The following SUSD5 variants were observed in gnomAD, a reference collection of about 807,000 sequenced individuals.
The protein encoded by SUSD5 is sushi domain containing 5.
SUSD5 carries 33 observed loss-of-function variants against 29.5 expected under a neutral mutation model. The observed-to-expected ratio is 1.12, with a 90% CI of 0.85 to 1.49. The LOEUF is 1.49. Ranked by LOEUF, SUSD5 falls within the 40% of genes most tolerant of loss-of-function variation. The pLI is 0.00. For missense variants in SUSD5, 776 were observed against 800.6 expected (o/e 0.97, Z 0.37); for synonymous variants, 308 against 325.3 (o/e 0.95, Z 0.57).
intron 3 of SUSD5, among the ~76,000 whole-genome samples, chr3:33,178,446 G>GTTTT (rs1559449526): frequency 7.2e-6 from 1 of 138,102 alleles, no homozygotes; most frequent in Non-Finnish European, 1.6e-5. Flanking sequence ...TTTTTTTTTT[G>GTTTT]TTGTTGTTTT....
intron 1 of SUSD5, among the ~76,000 whole-genome samples, chr3:33,216,855 T>C (rs969470098): frequency 6.6e-6 from 1 of 152,166 alleles, no homozygotes; most frequent in African/African-American, 2.4e-5. Context: ...AGCTTATAAC[T>C]CTTCCTGGTT....
chr3:33,201,719 AGCTAC>A (rs2032120683), intron 3 of SUSD5, among the ~76,000 whole-genome samples: 1 of 152,082 alleles, frequency 6.6e-6, no homozygotes, highest in African/African-American at 2.4e-5. Context: ...CCTACCCAAC[AGCTAC>A]TCAAGCCCCC....
rs532846785 is a variant in SUSD5 at position 33,151,624 on chromosome 3, A to T, written c.*1118T>A. On this transcript the variant is annotated 3_prime_UTR_variant, in exon 5 of 5. Coordinates refer to ENST00000309558, the MANE Select transcript of SUSD5 (RefSeq NM_015551.2). Reference sequence around the variant, plus strand: ...TTAATCCTGAGAGAGGAAACCAAGGACTGAGTTTTGTTAGTCCTGGCAAAA... The same window carrying T: ...TTAATCCTGAGAGAGGAAACCAAGGTCTGAGTTTTGTTAGTCCTGGCAAAA... 2 of 152,132 alleles carry T rather than the reference A, an allele frequency of 1.3e-5. No individual in the cohort carries two copies. Among genetic ancestry groups the T allele is most frequent in the Non-Finnish European group, 2.9e-5 (2 of 67,992 alleles). The allele number at this position is 152,132 out of a possible 1,614,324, so 9.4% of individuals were successfully genotyped here. A position where few individuals can be genotyped will look rare whatever the true frequency, so the allele number is the denominator to read the frequency against.
chr3:33,205,970 C>T (rs1298077875), intron 3 of SUSD5, among the ~76,000 whole-genome samples: 2 of 152,120 alleles, frequency 1.3e-5, no homozygotes, highest in Non-Finnish European at 2.9e-5. Context: ...ACTCAGAAGC[C>T]CTACATTATT....
In SUSD5 at chr3:33,159,647, C is replaced by T. The variant is rs908613819; in HGVS notation, c.599-5614G>A. ...CTAAGTGTTCCAGTTGAAACTGTATCGTATATTTTTCCCTCCCCCATACCT... is the reference window on the plus strand; with the variant it reads ...CTAAGTGTTCCAGTTGAAACTGTATTGTATATTTTTCCCTCCCCCATACCT... On this transcript the variant is annotated intron_variant, in intron 4 of 4. Coordinates refer to ENST00000309558, the MANE Select transcript of SUSD5 (RefSeq NM_015551.2). Among the ~76,000 whole-genome samples, 4 of 152,054 alleles carry T rather than the reference C, an allele frequency of 2.6e-5. 1 individual carries two copies. The highest frequency in any genetic ancestry group is 4.2e-4 in the South Asian group (2 of 4,816).
At chr3:33,208,034 C>CGG in intron 2 of SUSD5, 108 bp from the exon 3 acceptor site, 1 of 776,830 alleles carries the variant, frequency 1.3e-6, no homozygotes, top group Non-Finnish European at 2.1e-6. Flanking sequence ...TTTTCTGATT[C>CGG]ATGAGCTCTG....
intron 3 of SUSD5, among the ~76,000 whole-genome samples, chr3:33,199,335 A>G (rs2032061595): frequency 6.6e-6 from 1 of 152,056 alleles, no homozygotes; most frequent in South Asian, 2.1e-4. Context: ...GTGCAGTGGC[A>G]CAATCTCGGC....
chr3:33,175,786 A>C (rs2031540264), intron 3 of SUSD5, among the ~76,000 whole-genome samples: 1 of 152,054 alleles, frequency 6.6e-6, no homozygotes, highest in Non-Finnish European at 1.5e-5. Flanking sequence ...TCCCACTATT[A>C]GCATTCTGCA....
rs1575530180 is a variant in SUSD5, at chr3:33,167,227, A to C, written c.598+7659T>G. Among the ~76,000 whole-genome samples the C allele has an allele frequency of 6.6e-6, 1 of 151,676 alleles. No homozygotes were observed. The highest frequency in any genetic ancestry group is 1.9e-4 in the East Asian group (1 of 5,166). ...ATATATATATAAAACATAAAGTCAA[A>C]AGGCACCTGGAACACAGGCAGAAGA... On this transcript the variant is annotated intron_variant, in intron 4 of 4. Transcript: ENST00000309558. The surrounding 1 kb of genome is among the most constrained non-coding windows in gnomAD (Gnocchi z 4.1).
intron 1 of SUSD5, among the ~76,000 whole-genome samples, chr3:33,214,823 G>A (rs576471440): frequency 6.6e-6 from 1 of 152,162 alleles, no homozygotes; most frequent in Non-Finnish European, 1.5e-5. Context: ...AGGGAGCACT[G>A]AGGTCCCCAG....
chr3:33,188,388 C>G lies in SUSD5; in HGVS notation c.410-13314G>C, dbSNP rs1190085249. Among the ~76,000 whole-genome samples, 7 of 152,302 alleles carry G rather than the reference C, an allele frequency of 4.6e-5. No homozygotes were observed. In the South Asian group the frequency reaches 1.4e-3, roughly 32 times the overall value. ...AGGGCCCCCTGCTAGCTCCCTCCCA[C>G]TCACTCCACAACACACAACCAGCAT... On this transcript the variant is annotated intron_variant, in intron 3 of 4. Coordinates refer to ENST00000309558, the MANE Select transcript of SUSD5 (RefSeq NM_015551.2).
chr3:33,166,302 T>A (rs770171333), intron 4 of SUSD5, among the ~76,000 whole-genome samples: 2 of 152,184 alleles, frequency 1.3e-5, no homozygotes, highest in Non-Finnish European at 2.9e-5. Flanking sequence ...ATGACAAATA[T>A]TAGAAATGGG....
intron 3 of SUSD5, among the ~76,000 whole-genome samples, chr3:33,184,304 G>C (rs545057467): frequency 6.6e-6 from 1 of 151,980 alleles, no homozygotes; most frequent in African/African-American, 2.4e-5. Flanking sequence ...ACTTTTGCTC[G>C]TCCATAGATA....
intron 3 of SUSD5, among the ~76,000 whole-genome samples, chr3:33,188,190 G>C (rs1399843388): frequency 6.6e-6 from 1 of 152,144 alleles, no homozygotes; most frequent in African/African-American, 2.4e-5. Flanking sequence ...GAACTCATAT[G>C]AAAGTTGATG....
rs552161418 is a variant in SUSD5, at chr3:33,181,459, G to A, written c.410-6385C>T. The stretch of plus-strand genomic sequence containing the variant: ...CAGGCTGGAATGCTGTGACATGATC[G>A]TGGCTCACTGACCTCTTGGACTCTC... On this transcript the variant is annotated intron_variant, in intron 3 of 4. Transcript: ENST00000309558. Among the ~76,000 whole-genome samples, 144 of 150,024 alleles carry A rather than the reference G, an allele frequency of 9.6e-4. 1 individual carries two copies. Among genetic ancestry groups the A allele is most frequent in the African/African-American group, 3.3e-3 (136 of 40,686 alleles).
chr3:33,214,874 A>G (rs1361106204), intron 1 of SUSD5, among the ~76,000 whole-genome samples: 1 of 152,146 alleles, frequency 6.6e-6, no homozygotes, highest in African/African-American at 2.4e-5. Flanking sequence ...GGGTGGCCCT[A>G]TCAAGTTAAG....
rs143649538 is a variant in SUSD5, at chr3:33,180,662, A to G, written c.410-5588T>C. Among the ~76,000 whole-genome samples the G allele has an allele frequency of 2.0e-5, 3 of 152,102 alleles. No homozygotes were observed. In the East Asian group the frequency reaches 5.8e-4, roughly 29 times the overall value. On this transcript the variant is annotated intron_variant, in intron 3 of 4. Coordinates refer to ENST00000309558, the MANE Select transcript of SUSD5 (RefSeq NM_015551.2). The stretch of plus-strand genomic sequence containing the variant: ...GCCAACATGGTGAAACCCTAAAATT[A>G]CTTTTTATACTAAAAATACAAAAAA...
chr3:33,178,101 GTTTT>G (rs1287454450), intron 3 of SUSD5, among the ~76,000 whole-genome samples: 3 of 152,080 alleles, frequency 2.0e-5, no homozygotes, highest in Admixed American at 6.6e-5. Context: ...TTAGCTGTAG[GTTTT>G]TTTGTTTTGT....
chr3:33,207,167 T>A (rs2032237872), intron 3 of SUSD5, among the ~76,000 whole-genome samples: 1 of 152,224 alleles, frequency 6.6e-6, no homozygotes, highest in Admixed American at 6.5e-5. Context: ...TGTGAGCAGT[T>A]CCCTAAATCT....
Sources: gnomAD v4.1 joint callset for allele counts (sites outside exome capture counted in the v4.1 genomes callset) on GRCh38, gnomAD v4.1.1 for gene constraint, Gnocchi (gnomAD v3.1) non-coding constraint, MANE v1.5 for transcripts, NCBI Gene and HGNC (gene_info 2026-07-23, HGNC 2026-07-21) for gene names.